The following VPS13C variants were observed in gnomAD, a reference collection of about 807,000 sequenced individuals.
VPS13C encodes intermembrane lipid transfer protein VPS13C.
A neutral mutation model predicts 456.8 loss-of-function variants in VPS13C; 358 were observed. The observed-to-expected ratio is 0.78, with a 90% CI of 0.72 to 0.86. The LOEUF (loss-of-function observed/expected upper bound fraction) is 0.86. VPS13C is among the 40% of genes least tolerant of loss of function. VPS13C has a pLI of 0.00. For synonymous variants in VPS13C, 1,578 were observed against 1,486.7 expected (o/e 1.06, Z -1.41); for missense variants, 4,818 against 4,385.4 (o/e 1.10, Z -2.79).
Position 61,915,951 on chromosome 15 carries a change from T to G in VPS13C, c.8127A>C (p.Glu2709Asp). The G allele has an allele frequency of 6.2e-7, 1 of 1,613,870 alleles. No homozygotes were observed. Among genetic ancestry groups the G allele is most frequent in the East Asian group, 2.2e-5 (1 of 44,874 alleles). ...ATTTCACCAGGACTAATTCCATTAT[T>G]TCACCACTGATTCTCGAATGCAGAA... ...ADVLHSRISG[E>D]IMELVLVKYQ... The change falls in exon 61 of 85, where the codon GAA (glutamate) becomes GAC (aspartate). Residue 2709 changes from glutamate to aspartate, a missense_variant. Transcript: ENST00000644861.
chr15:61,871,678 T>C (rs1017019814), intron 79 of VPS13C, among the ~76,000 whole-genome samples: 3 of 152,100 alleles, frequency 2.0e-5, no homozygotes, highest in African/African-American at 7.2e-5. Flanking sequence ...TTGCACTGAA[T>C]AAGCAATGTG....
Position 61,881,618 on chromosome 15 carries a change from T to C in VPS13C, c.9721A>G (p.Ile3241Val). The change falls in exon 71 of 85, where the codon ATT becomes GTT. Residue 3241 changes from isoleucine to valine, a missense_variant. By Grantham distance (29) the Ile-to-Val change is conservative. Coordinates refer to ENST00000644861, the MANE Select transcript of VPS13C (RefSeq NM_020821.3). ...AATCTTGTGATGACACTCACATCAA[T>C]GAAAGGCTTGGGCTCTAAGAGGAAG... ...IALDSEPKPF[I>V]DVSVITRFNE... 7 of 1,612,780 alleles carry C rather than the reference T, an allele frequency of 4.3e-6. No individual in the cohort carries two copies. Among genetic ancestry groups the C allele is most frequent in the Non-Finnish European group, 5.9e-6 (7 of 1,179,322 alleles).
rs556162996 is a variant in VPS13C, at chr15:61,852,983, T to A, written c.*1474A>T. ...CGTGTCCACATCTCCATGAATTCAG[T>A]GATTTGAAATAAATGTTGTTATGTT... On this transcript the variant is annotated 3_prime_UTR_variant, in exon 85 of 85. Coordinates refer to ENST00000644861, the MANE Select transcript of VPS13C (RefSeq NM_020821.3). The A allele has an allele frequency of 7.9e-4, 120 of 152,318 alleles. No homozygotes were observed. The highest frequency in any genetic ancestry group is 2.6e-3 in the African/African-American group (110 of 41,578). 9.4% of individuals were successfully genotyped at this position (152,318 alleles called of 1,614,324 possible). A position where few individuals can be genotyped will look rare whatever the true frequency, so the allele number is the denominator to read the frequency against.
At chr15:61,907,716 G>C (rs2043190450) in intron 65 of VPS13C, among the ~76,000 whole-genome samples, 1 of 152,182 alleles carries the variant, frequency 6.6e-6, no homozygotes, top group South Asian at 2.1e-4. Context: ...AATATGTTTA[G>C]TAGCAGAAGA....
At chr15:61,945,128 G>T (rs1035241756) in intron 45 of VPS13C, among the ~76,000 whole-genome samples, 2 of 152,186 alleles carry the variant, frequency 1.3e-5, no homozygotes, top group Non-Finnish European at 2.9e-5. Flanking sequence ...AGACGTGCCT[G>T]CTTCCCCTTC....
chr15:62,025,006 A>G (rs1288199250), intron 6 of VPS13C, among the ~76,000 whole-genome samples: 2 of 152,112 alleles, frequency 1.3e-5, no homozygotes, highest in African/African-American at 4.8e-5. Context: ...TACCTTACAC[A>G]GAATTGCATT....
At chr15:61,889,830 C>T (rs1896546935) in intron 67 of VPS13C, among the ~76,000 whole-genome samples, 2 of 152,210 alleles carry the variant, frequency 1.3e-5, no homozygotes, top group African/African-American at 2.4e-5. Flanking sequence ...GTACATCCTT[C>T]TTTGTACATC....
At chr15:61,868,800 A>C in intron 80 of VPS13C, 27 bp from the exon 81 acceptor site, 1 of 1,559,196 alleles carries the variant, frequency 6.4e-7, no homozygotes, top group East Asian at 2.3e-5. Context: ...AGTAAGTGTA[A>C]GAAAATACGT....
chr15:61,945,925 T>C, intron 44 of VPS13C, 43 bp from the exon 45 acceptor site: 1 of 1,502,766 alleles, frequency 6.7e-7, no homozygotes, highest in Non-Finnish European at 8.9e-7. Flanking sequence ...AAAAGAGCTG[T>C]ATAGCCCTTA....
chr15:61,966,024 G>A, intron 30 of VPS13C, 59 bp downstream of exon 30: 1 of 1,323,774 alleles, frequency 7.6e-7, no homozygotes, highest in Non-Finnish European at 1.1e-6. Context: ...AAGGATACTA[G>A]AGGCTTTGAG....
intron 66 of VPS13C, among the ~76,000 whole-genome samples, chr15:61,897,486 G>C (rs1444318751): frequency 1.3e-5 from 2 of 152,114 alleles, no homozygotes; most frequent in African/African-American, 4.8e-5. Context: ...GCGATCAACT[G>C]GAAGAAAGGG....
rs1437246996 is a variant in VPS13C at position 61,858,602 on chromosome 15, C to G, written c.10953-2193G>C. 6.6e-6 allele frequency among the ~76,000 whole-genome samples: 1 copy of G among 152,042 alleles called. No individual in the cohort carries two copies. The highest frequency in any genetic ancestry group is 6.5e-5 in the Admixed American group (1 of 15,268). On this transcript the variant is annotated intron_variant, in intron 82 of 84. Coordinates refer to ENST00000644861, the MANE Select transcript of VPS13C (RefSeq NM_020821.3). This position sits in a 1 kb window ranked among gnomAD's most constrained non-coding sequence, Gnocchi z 4.4. Reference sequence around the variant, plus strand: ...CTTTGAATATAATGGATTTTACTTCCAAGATTAGGTTATTATAAGGCACAG... The same window carrying G: ...CTTTGAATATAATGGATTTTACTTCGAAGATTAGGTTATTATAAGGCACAG...
In VPS13C at chr15:61,880,410, G is replaced by A. The variant is rs16944673; in HGVS notation, c.10002+199C>T. Reference sequence around the variant, plus strand: ...AGGGGGTTATTAATTCAAAACTGGAGAACATGCTCTGGTGGTTTCTCTGTG... The same window carrying A: ...AGGGGGTTATTAATTCAAAACTGGAAAACATGCTCTGGTGGTTTCTCTGTG... On this transcript the variant is annotated intron_variant, in intron 73 of 84. Coordinates refer to ENST00000644861, the MANE Select transcript of VPS13C (RefSeq NM_020821.3). Among the ~76,000 whole-genome samples, 5,543 of 152,158 alleles carry A rather than the reference G, an allele frequency of 0.036. 146 individuals are homozygous for A. The highest frequency in any genetic ancestry group is 0.11 in the South Asian group (514 of 4,820).
chr15:61,915,906 A>G lies in VPS13C; in HGVS notation c.8172T>C (p.Asn2724=). Residue 2724 remains asparagine (N), a synonymous_variant, in exon 61 of 85, where the codon AAT becomes AAC. Coordinates refer to ENST00000644861, the MANE Select transcript of VPS13C (RefSeq NM_020821.3). ...VLVKYQGKNW[N]GHFRIRDTLP... Reference sequence around the variant, plus strand: ...GTGTATCACGTATGCGGAAATGTCCATTCCAGTTTTTGCCCTGGTATTTCA... The same window carrying G: ...GTGTATCACGTATGCGGAAATGTCCGTTCCAGTTTTTGCCCTGGTATTTCA... 1 of 1,614,026 alleles carries G rather than the reference A, an allele frequency of 6.2e-7. No homozygotes were observed. Among genetic ancestry groups the G allele is most frequent in the Non-Finnish European group, 8.5e-7 (1 of 1,180,006 alleles).
At chr15:61,906,157 G>A (rs1370600909) in intron 66 of VPS13C, among the ~76,000 whole-genome samples, 1 of 152,102 alleles carries the variant, frequency 6.6e-6, no homozygotes, top group East Asian at 1.9e-4. Context: ...AACAATGTAT[G>A]ATTTTCTTTG....
chr15:62,045,600 T>TA (rs1467198559), intron 1 of VPS13C, among the ~76,000 whole-genome samples: 4 of 152,044 alleles, frequency 2.6e-5, no homozygotes, highest in Admixed American at 6.6e-5. Flanking sequence ...GCTTTCAGGA[T>TA]AAAAAATTCC....
chr15:61,907,037 T>G (rs1192961553), intron 66 of VPS13C: 1 of 479,156 alleles, frequency 2.1e-6, no homozygotes, highest in Non-Finnish European at 3.7e-6. Context: ...ATAGGCAAGA[T>G]AAAGCAGGTC....
At chr15:61,956,329 G>T (rs183506778) in intron 37 of VPS13C, among the ~76,000 whole-genome samples, 1 of 151,944 alleles carries the variant, frequency 6.6e-6, no homozygotes, top group East Asian at 1.9e-4. Context: ...CTACTAGAGG[G>T]GAGAGGGGGG....
intron 15 of VPS13C, among the ~76,000 whole-genome samples, chr15:62,005,630 T>C (rs2046807149): frequency 6.6e-6 from 1 of 152,152 alleles, no homozygotes; most frequent in African/African-American, 2.4e-5. Flanking sequence ...CTTTACATTT[T>C]GGCATGATTT....
Sources: allele counts gnomAD v4.1 joint callset (sites outside exome capture counted in the v4.1 genomes callset), GRCh38; gene constraint gnomAD v4.1.1; non-coding constraint Gnocchi (gnomAD v3.1); transcripts MANE v1.5; gene names NCBI Gene and HGNC (gene_info 2026-07-23, HGNC 2026-07-21).